PDCD10: variants seen among roughly 807,000 people sequenced by gnomAD.
PDCD10 encodes programmed cell death protein 10.
Under a neutral mutation model 29.2 loss-of-function variants are expected in PDCD10, and 4 were observed. The ratio of observed to expected loss-of-function variants is 0.14; its 90% CI spans 0.07 to 0.31. PDCD10 has a LOEUF of 0.31. Among genes scored for constraint, PDCD10 ranks in the 10% least tolerant of loss-of-function variants. The probability of loss-of-function intolerance (pLI) is 1.00; values close to 1 mark genes in which losing one functional copy is unlikely to be tolerated. For synonymous variants in PDCD10, 70 were observed against 82.2 expected (o/e 0.85, Z 0.80); for missense variants, 183 against 257.9 (o/e 0.71, Z 1.99).
At chr3:167,692,333 A>T (rs1448393770) in intron 6 of PDCD10, among the ~76,000 whole-genome samples, 1 of 152,212 alleles carries the variant, frequency 6.6e-6, no homozygotes, top group Admixed American at 6.5e-5. Context: ...TATGTTTCAT[A>T]AAGTGCATCC....
intron 4 of PDCD10, chr3:167,704,573 T>A: frequency 3.9e-6 from 1 of 258,674 alleles, no homozygotes; most frequent in Non-Finnish European, 7.3e-6. Context: ...AAAAAAACCC[T>A]CAAAAATATA....
intron 2 of PDCD10, among the ~76,000 whole-genome samples, chr3:167,724,433 C>A (rs1243166324): frequency 6.6e-6 from 1 of 152,132 alleles, no homozygotes; most frequent in Non-Finnish European, 1.5e-5. Context: ...GGATCTCCAA[C>A]AAATGTGCAT....
chr3:167,700,246 T>G (rs979270855), intron 4 of PDCD10, among the ~76,000 whole-genome samples: 21 of 152,176 alleles, frequency 1.4e-4, no homozygotes, highest in African/African-American at 4.8e-4. Context: ...CAACTCCATG[T>G]GAACAGTTCA....
chr3:167,704,194 T>A (rs1313982947), intron 4 of PDCD10, among the ~76,000 whole-genome samples: 1 of 152,216 alleles, frequency 6.6e-6, no homozygotes, highest in African/African-American at 2.4e-5. Context: ...ATAGAAAGAA[T>A]ACCTTTTCAA....
intron 2 of PDCD10, among the ~76,000 whole-genome samples, chr3:167,720,554 T>G (rs144070363): frequency 2.0e-5 from 3 of 151,912 alleles, no homozygotes; most frequent in African/African-American, 7.3e-5. Flanking sequence ...TGAAGCACCA[T>G]GGAATAATGA....
At chr3:167,689,630 A>C (rs1259504762) in intron 6 of PDCD10, among the ~76,000 whole-genome samples, 1 of 152,052 alleles carries the variant, frequency 6.6e-6, no homozygotes, top group Non-Finnish European at 1.5e-5. Context: ...CAAAAAAAGA[A>C]AGACCTGCTG....
At chr3:167,685,293 ATCCCAGC>A (rs1447085055) in intron 8 of PDCD10, among the ~76,000 whole-genome samples, 1 of 151,110 alleles carries the variant, frequency 6.6e-6, no homozygotes, top group Non-Finnish European at 1.5e-5. Context: ...TGTGTCTATA[ATCCCAGC>A]TCGGGAGGCT....
intron 6 of PDCD10, 95 bp from the exon 7 acceptor site, chr3:167,687,788 CTT>C (rs1245381651): frequency 2.8e-6 from 2 of 725,646 alleles, no homozygotes; most frequent in East Asian, 2.6e-5. Context: ...TAAGTACACT[CTT>C]AATCTAATCA....
At chr3:167,725,649 TCCCTGAACATAC>T (rs1724038827) in intron 2 of PDCD10, among the ~76,000 whole-genome samples, 2 of 151,310 alleles carry the variant, frequency 1.3e-5, no homozygotes, top group African/African-American at 2.4e-5. Flanking sequence ...GAACCTAACC[TCCCTGAACATAC>T]ACTACTGTCA....
intron 3 of PDCD10, among the ~76,000 whole-genome samples, chr3:167,714,491 G>C (rs139401997): frequency 6.6e-6 from 1 of 151,990 alleles, no homozygotes; most frequent in Non-Finnish European, 1.5e-5. Context: ...ATTGGAAAGG[G>C]AAGAAGTCAA....
chr3:167,708,062 G>GTAAC (rs1458215700), intron 3 of PDCD10, among the ~76,000 whole-genome samples: 2 of 152,266 alleles, frequency 1.3e-5, no homozygotes, highest in African/African-American at 4.8e-5. Context: ...AACTCCTTCT[G>GTAAC]TAACTTATTG....
intron 7 of PDCD10, 99 bp from the exon 8 acceptor site, chr3:167,687,415 C>T (rs1719739467): frequency 2.6e-6 from 2 of 779,572 alleles, no homozygotes; most frequent in South Asian, 1.5e-5. Context: ...ATATGGGATG[C>T]ACTTTATATG....
intron 8 of PDCD10, 57 bp from the exon 9 acceptor site, chr3:167,684,446 GATTTAT>G (rs1719362718): frequency 1.5e-5 from 14 of 914,226 alleles, no homozygotes; most frequent in Non-Finnish European, 2.5e-5. Flanking sequence ...ACCCTTTTAA[GATTTAT>G]ACTATTAACA....
Position 167,696,039 on chromosome 3 carries a change from G to A in PDCD10, c.269-317C>T, listed in dbSNP as rs574056724. On this transcript the variant is annotated intron_variant, in intron 5 of 8. Transcript: ENST00000392750. Reference sequence around the variant, plus strand: ...TTAAAAGGGAGGCTTAAGTTCAACCGTACTCTGACATTACATTTCCCAAGG... The same window carrying A: ...TTAAAAGGGAGGCTTAAGTTCAACCATACTCTGACATTACATTTCCCAAGG... 5.2e-4 allele frequency among the ~76,000 whole-genome samples: 78 copies of A among 149,828 alleles called. 1 individual carries two copies. In the South Asian group the frequency reaches 0.016, roughly 30 times the overall value.
chr3:167,686,449 C>G (rs561386488), intron 8 of PDCD10, among the ~76,000 whole-genome samples: 72 of 152,280 alleles, frequency 4.7e-4, no homozygotes, highest in Non-Finnish European at 9.4e-4. Flanking sequence ...TAAACCCTGA[C>G]TCCACTCCCA....
chr3:167,717,148 T>C (rs1407826363), intron 3 of PDCD10, among the ~76,000 whole-genome samples: 1 of 152,064 alleles, frequency 6.6e-6, no homozygotes, highest in Non-Finnish European at 1.5e-5. Flanking sequence ...TCTTCTCAGC[T>C]GTCCTGGCAT....
chr3:167,705,701 T>C (rs1188369481), intron 3 of PDCD10, among the ~76,000 whole-genome samples: 1 of 152,154 alleles, frequency 6.6e-6, no homozygotes, highest in Non-Finnish European at 1.5e-5. Context: ...ACATGACTTC[T>C]AACAAATCTT....
intron 4 of PDCD10, among the ~76,000 whole-genome samples, chr3:167,700,719 T>A (rs1348176363): frequency 6.6e-6 from 1 of 152,190 alleles, no homozygotes; most frequent in African/African-American, 2.4e-5. Context: ...GCTGAAGAAT[T>A]TAATGCCAGC....
chr3:167,708,028 C>T (rs910361605), intron 3 of PDCD10, among the ~76,000 whole-genome samples: 1 of 152,130 alleles, frequency 6.6e-6, no homozygotes, highest in African/African-American at 2.4e-5. Context: ...TTACCTCAAC[C>T]CCCATTCTGC....
Sources: allele counts gnomAD v4.1 joint callset (sites outside exome capture counted in the v4.1 genomes callset), GRCh38; gene constraint gnomAD v4.1.1; transcripts MANE v1.5; gene names NCBI Gene and HGNC (gene_info 2026-07-23, HGNC 2026-07-21).